DGKB: variants seen among roughly 807,000 people sequenced by gnomAD.
The protein encoded by DGKB is 90 kDa diacylglycerol kinase.
A neutral mutation model predicts 114.3 loss-of-function variants in DGKB; 67 were observed. The observed-to-expected ratio is 0.59, with a 90% confidence interval of 0.48 to 0.72. The LOEUF is 0.72. DGKB is among the 30% of genes least tolerant of loss of function. The pLI, the probability that DGKB is intolerant of heterozygous loss-of-function variation, is 0.00. For synonymous variants in DGKB, 398 were observed against 323.1 expected (o/e 1.23, Z -2.49); for missense variants, 907 against 975.2 (o/e 0.93, Z 0.93).
intron 23 of DGKB, among the ~76,000 whole-genome samples, chr7:14,284,221 A>G (rs972674964): frequency 6.7e-5 from 10 of 150,028 alleles, no homozygotes; most frequent in Non-Finnish European, 1.5e-4. Flanking sequence ...GACACTTCTC[A>G]AAAGAAGACA....
At chr7:14,222,970 C>T (rs1164539842) in intron 23 of DGKB, among the ~76,000 whole-genome samples, 2 of 151,708 alleles carry the variant, frequency 1.3e-5, no homozygotes, top group Admixed American at 6.6e-5. Flanking sequence ...CTTGTGATTG[C>T]TGTTTGCATG....
At chr7:14,888,265 C>G (rs955380799) in intron 1 of DGKB, among the ~76,000 whole-genome samples, 20 of 151,598 alleles carry the variant, frequency 1.3e-4, no homozygotes, top group African/African-American at 4.8e-4. Context: ...ACAGAGGCTC[C>G]AAAGGTAGGC....
chr7:14,635,529 CGAG>C (rs1365986103), intron 13 of DGKB, among the ~76,000 whole-genome samples: 1 of 151,314 alleles, frequency 6.6e-6, no homozygotes, highest in Non-Finnish European at 1.5e-5. Flanking sequence ...ACTATGAAAT[CGAG>C]GAGGAGAAAG....
intron 17 of DGKB, among the ~76,000 whole-genome samples, chr7:14,585,242 T>C (rs1038866380): frequency 1.3e-5 from 2 of 152,174 alleles, no homozygotes; most frequent in Admixed American, 6.5e-5. Flanking sequence ...TTGTTTTGCT[T>C]ATACTAATAT....
At chr7:14,959,716 G>T (rs970507510) in intron 1 of DGKB, among the ~76,000 whole-genome samples, 1 of 151,088 alleles carries the variant, frequency 6.6e-6, no homozygotes, top group Non-Finnish European at 1.5e-5. Context: ...CATATCTGTG[G>T]GGAGAAGTGA....
intron 20 of DGKB, among the ~76,000 whole-genome samples, chr7:14,552,637 G>A (rs1795262636): frequency 6.6e-6 from 1 of 152,114 alleles, no homozygotes; most frequent in Non-Finnish European, 1.5e-5. Context: ...AAGCTATCAG[G>A]TTTAAAAAGA....
chr7:14,822,260 G>A (rs1430470448), intron 2 of DGKB, among the ~76,000 whole-genome samples: 2 of 152,112 alleles, frequency 1.3e-5, no homozygotes, highest in Non-Finnish European at 2.9e-5. Context: ...TGTCACACAT[G>A]TGATATTTAA....
intron 1 of DGKB, among the ~76,000 whole-genome samples, chr7:14,877,967 A>C (rs985305023): frequency 6.6e-6 from 1 of 152,122 alleles, no homozygotes; most frequent in Admixed American, 6.5e-5. Flanking sequence ...CAAATAAAGA[A>C]TCTCTATTTG....
chr7:14,632,865 T>G (rs1028954628), intron 13 of DGKB, among the ~76,000 whole-genome samples: 1 of 152,058 alleles, frequency 6.6e-6, no homozygotes, highest in South Asian at 2.1e-4. Context: ...GCAGAAGCCC[T>G]TATTGACAGG....
intron 1 of DGKB, among the ~76,000 whole-genome samples, chr7:14,878,121 G>A (rs1456982597): frequency 6.7e-6 from 1 of 149,784 alleles, no homozygotes; most frequent in African/African-American, 2.4e-5. Context: ...AATAGAGCCT[G>A]TCCACAAAAA....
chr7:14,322,365 G>T (rs1253859172), intron 23 of DGKB, among the ~76,000 whole-genome samples: 1 of 152,142 alleles, frequency 6.6e-6, no homozygotes, highest in East Asian at 1.9e-4. Flanking sequence ...TTGGGATTAA[G>T]ATTATGTTAC....
At chr7:14,579,109 C>A (rs1799571862) in intron 19 of DGKB, among the ~76,000 whole-genome samples, 1 of 152,162 alleles carries the variant, frequency 6.6e-6, no homozygotes, top group Non-Finnish European at 1.5e-5. Context: ...CTCTATTATT[C>A]ATTCTTCTGA....
intron 13 of DGKB, among the ~76,000 whole-genome samples, chr7:14,633,218 G>A (rs1810082799): frequency 6.6e-6 from 1 of 151,864 alleles, no homozygotes; most frequent in Non-Finnish European, 1.5e-5. Context: ...TAATGAAACA[G>A]AGGTTTGTCA....
intron 23 of DGKB, among the ~76,000 whole-genome samples, chr7:14,287,421 A>C (rs1031265428): frequency 1.3e-5 from 2 of 152,070 alleles, no homozygotes; most frequent in Non-Finnish European, 2.9e-5. Context: ...TTAATAGAAA[A>C]TTTCTAGGAA....
chr7:14,956,909 C>T (rs750405187), intron 1 of DGKB, among the ~76,000 whole-genome samples: 3 of 151,608 alleles, frequency 2.0e-5, no homozygotes, highest in East Asian at 1.9e-4. Flanking sequence ...TTCTTGTAGC[C>T]TTTCTTCCTG....
At position 14,585,545 on chromosome 7, in the gene DGKB, A is replaced by G. The variant is rs565137586; in HGVS notation, c.1434-2408T>C. 1.2e-4 allele frequency among the ~76,000 whole-genome samples: 18 copies of G among 152,276 alleles called. No individual in the cohort carries two copies. In the East Asian group the frequency reaches 3.3e-3, roughly 28 times the overall value. On this transcript the variant is annotated intron_variant, in intron 17 of 25. Transcript: ENST00000402815. Reference sequence around the variant, plus strand: ...TACTGCTGTGTTAAATACCACTTACATGTCTTTTAAAATCCATGTCAATGG... The same window carrying G: ...TACTGCTGTGTTAAATACCACTTACGTGTCTTTTAAAATCCATGTCAATGG...
At chr7:14,939,354 T>TCG (rs755566702) in intron 1 of DGKB, among the ~76,000 whole-genome samples, 1 of 152,184 alleles carries the variant, frequency 6.6e-6, no homozygotes, top group African/African-American at 2.4e-5. Flanking sequence ...GTAGTGCTTA[T>TCG]CGCATTATCA....
At chr7:14,474,828 T>A (rs1276066039) in intron 21 of DGKB, among the ~76,000 whole-genome samples, 1 of 49,040 alleles carries the variant, frequency 2.0e-5, no homozygotes, top group Admixed American at 3.0e-4. Context: ...AAATATTTAG[T>A]TTTTTTTTTT....
intron 2 of DGKB, among the ~76,000 whole-genome samples, chr7:14,828,902 C>T (rs910261275): frequency 1.3e-5 from 2 of 152,080 alleles, no homozygotes; most frequent in African/African-American, 4.8e-5. Flanking sequence ...TGAAGAGCCC[C>T]TGAAGTTGCC....
Sources: gnomAD v4.1 joint callset for allele counts (sites outside exome capture counted in the v4.1 genomes callset) on GRCh38, gnomAD v4.1.1 for gene constraint, MANE v1.5 for transcripts, NCBI Gene and HGNC (gene_info 2026-07-23, HGNC 2026-07-21) for gene names.